RIMS2: variants seen among roughly 807,000 people sequenced by gnomAD.
RIMS2 encodes regulating synaptic membrane exocytosis 2.
Under a neutral mutation model 174.4 loss-of-function variants are expected in RIMS2, and 59 were observed. The observed-to-expected ratio is 0.34, with a 90% confidence interval of 0.27 to 0.42. The LOEUF (loss-of-function observed/expected upper bound fraction) is 0.42. RIMS2 is among the 10% of genes least tolerant of loss of function. RIMS2 has a pLI of 1.00. For missense variants in RIMS2, 1,620 were observed against 1,666.3 expected (o/e 0.97, Z 0.48); for synonymous variants, 606 against 572.5 (o/e 1.06, Z -0.84).
At chr8:103,811,138 AG>A (rs1432982220) in intron 3 of RIMS2, among the ~76,000 whole-genome samples, 1 of 152,120 alleles carries the variant, frequency 6.6e-6, no homozygotes, top group African/African-American at 2.4e-5. Flanking sequence ...TAACTATTGG[AG>A]ATGGAGTTGA....
At chr8:103,853,834 T>C (rs1013679014) in intron 3 of RIMS2, among the ~76,000 whole-genome samples, 5 of 152,168 alleles carry the variant, frequency 3.3e-5, no homozygotes, top group African/African-American at 1.2e-4. Context: ...CCAGCTTTGT[T>C]CTTTTTGCTT....
intron 1 of RIMS2, among the ~76,000 whole-genome samples, chr8:103,599,114 TTTC>T (rs2094588841): frequency 6.6e-6 from 1 of 152,094 alleles, no homozygotes; most frequent in Non-Finnish European, 1.5e-5. Context: ...TTCCTCTTTT[TTTC>T]TTCTTAAGAA....
At chr8:103,761,493 C>T (rs2098112587) in intron 2 of RIMS2, among the ~76,000 whole-genome samples, 1 of 152,174 alleles carries the variant, frequency 6.6e-6, no homozygotes. Flanking sequence ...TCCCAGGCAC[C>T]TTTTTTTCCT....
At chr8:103,935,329 C>T (rs912848647) in intron 12 of RIMS2, among the ~76,000 whole-genome samples, 7 of 152,068 alleles carry the variant, frequency 4.6e-5, no homozygotes, top group Non-Finnish European at 7.4e-5. Context: ...TTATCTTTTC[C>T]ATGTGTATTA....
chr8:103,501,908 A>G (rs1820287511), intron 1 of RIMS2, among the ~76,000 whole-genome samples: 1 of 152,034 alleles, frequency 6.6e-6, no homozygotes, highest in Non-Finnish European at 1.5e-5. Flanking sequence ...GAACTTCAGC[A>G]CCAGGGAACT....
intron 19 of RIMS2, among the ~76,000 whole-genome samples, chr8:104,156,492 T>C (rs1232912094): frequency 6.6e-6 from 1 of 152,220 alleles, no homozygotes; most frequent in Admixed American, 6.5e-5. Context: ...ATTAAGCCAC[T>C]GTTTTCAGAA....
At chr8:103,675,990 A>G (rs1374240604) in intron 1 of RIMS2, among the ~76,000 whole-genome samples, 1 of 152,204 alleles carries the variant, frequency 6.6e-6, no homozygotes, top group Non-Finnish European at 1.5e-5. Flanking sequence ...TAGAAAATTT[A>G]TATCTGAAAA....
At chr8:103,652,764 T>A in intron 1 of RIMS2, 54 bp downstream of exon 3, 1 of 1,069,608 alleles carries the variant, frequency 9.3e-7, no homozygotes. Flanking sequence ...TATAACATAC[T>A]GAAAAGTATG....
In RIMS2 at chr8:103,732,150, G is replaced by A. The variant is rs561705756; in HGVS notation, c.388-34077G>A. ...TTTTGGTCACTGTAGCCATATCTAC[G>A]TAAGGGGGTACCCCCAGCCCATTAA... On this transcript the variant is annotated intron_variant, in intron 2 of 23. Coordinates refer to ENST00000504942, the Ensembl canonical transcript of RIMS2. Among the ~76,000 whole-genome samples, 15 of 152,334 alleles carry A rather than the reference G, an allele frequency of 9.8e-5. No homozygotes were observed. The East Asian group carries it at 1.5e-3, about 16-fold the overall frequency.
rs551801375 is a variant in RIMS2, at chr8:103,745,889, T to A, written c.388-20338T>A. Among the ~76,000 whole-genome samples, 8 of 152,310 alleles carry A rather than the reference T, an allele frequency of 5.3e-5. No homozygotes were observed. In the South Asian group the frequency reaches 1.7e-3, roughly 32 times the overall value. ...TGTATAATTTGCAAATATTTTTTCT[T>A]ATTCTGTGGGTTGTCTTTTCATTTT... On this transcript the variant is annotated intron_variant, in intron 2 of 23. Transcript: ENST00000504942.
intron 2 of RIMS2, among the ~76,000 whole-genome samples, chr8:103,698,024 T>C (rs773812900): frequency 4.6e-5 from 7 of 152,230 alleles, no homozygotes; most frequent in Non-Finnish European, 1.0e-4. Context: ...ATTTATCTAC[T>C]TACTAATCTT....
At chr8:104,202,489 G>T (rs374368894) in intron 19 of RIMS2, among the ~76,000 whole-genome samples, 1 of 152,160 alleles carries the variant, frequency 6.6e-6, no homozygotes, top group Non-Finnish European at 1.5e-5. Context: ...TACAAAAAAC[G>T]TACCACAGAC....
chr8:104,083,699 G>A (rs890874469), intron 19 of RIMS2, among the ~76,000 whole-genome samples: 2 of 152,100 alleles, frequency 1.3e-5, no homozygotes, highest in Non-Finnish European at 2.9e-5. Context: ...TTAGCAGCAG[G>A]CATTTTGTTC....
At chr8:103,514,450 C>T (rs531883721) in intron 1 of RIMS2, among the ~76,000 whole-genome samples, 34 of 152,074 alleles carry the variant, frequency 2.2e-4, no homozygotes, top group Non-Finnish European at 4.3e-4. Flanking sequence ...GGGGCATCTA[C>T]ATGAAAGTTG....
chr8:103,505,092 G>C (rs1032238498), intron 1 of RIMS2, among the ~76,000 whole-genome samples: 1 of 151,908 alleles, frequency 6.6e-6, no homozygotes, highest in African/African-American at 2.4e-5. Flanking sequence ...GGGCTCAAGT[G>C]ATCCTCCTGC....
At chr8:104,069,141 A>G (rs2154561393) in intron 19 of RIMS2, among the ~76,000 whole-genome samples, 1 of 152,320 alleles carries the variant, frequency 6.6e-6, no homozygotes, top group African/African-American at 2.4e-5. Flanking sequence ...AAATTACATG[A>G]GCTATTCCAT....
At chr8:104,221,392 G>A (rs1239664707) in intron 19 of RIMS2, among the ~76,000 whole-genome samples, 1 of 151,734 alleles carries the variant, frequency 6.6e-6, no homozygotes. Context: ...ACTCATTTGT[G>A]ACCCACAGTT....
intron 19 of RIMS2, among the ~76,000 whole-genome samples, chr8:104,184,311 C>T (rs573372383): frequency 6.6e-6 from 1 of 151,630 alleles, no homozygotes; most frequent in Non-Finnish European, 1.5e-5. Context: ...GGGTAATATG[C>T]CTCTAAAGAA....
chr8:103,935,464 A>T (rs538988992), intron 12 of RIMS2, among the ~76,000 whole-genome samples: 1 of 152,334 alleles, frequency 6.6e-6, no homozygotes, highest in African/African-American at 2.4e-5. Flanking sequence ...TAAAATTCCA[A>T]TGAGAAGAAG....
Sources: gnomAD v4.1 joint callset for allele counts (sites outside exome capture counted in the v4.1 genomes callset) on GRCh38, gnomAD v4.1.1 for gene constraint, MANE v1.5 for transcripts, NCBI Gene and HGNC (gene_info 2026-07-23, HGNC 2026-07-21) for gene names.